Variants in SPARCL1 observed in about 807,000 individuals in gnomAD.
SPARCL1 encodes SPARC like 1, also known as SPARC-like protein 1.
In SPARCL1, 52 loss-of-function variants were observed where a neutral mutation model predicts 67.1. The ratio of observed to expected loss-of-function variants is 0.78; its 90% CI spans 0.62 to 0.98. The LOEUF (loss-of-function observed/expected upper bound fraction) is 0.98, where lower values mean the gene tolerates loss of function less well. Among genes scored for constraint, SPARCL1 ranks in the 50% least tolerant of loss-of-function variants. The pLI is 0.00. For synonymous variants in SPARCL1, 226 were observed against 267.8 expected (o/e 0.84, Z 1.52); for missense variants, 717 against 782.4 (o/e 0.92, Z 1.00).
intron 1 of SPARCL1, among the ~76,000 whole-genome samples, chr4:87,512,302 A>G (rs1725397576): frequency 6.6e-6 from 1 of 152,100 alleles, no homozygotes; most frequent in Non-Finnish European, 1.5e-5. Context: ...GGGAAAAGAC[A>G]GGTAAATAAG....
chr4:87,489,908 C>T (rs1724242723), intron 7 of SPARCL1, among the ~76,000 whole-genome samples: 1 of 152,134 alleles, frequency 6.6e-6, no homozygotes, highest in African/African-American at 2.4e-5. Context: ...GACTTCTTGG[C>T]AAAGGCTTAA....
intron 1 of SPARCL1, among the ~76,000 whole-genome samples, chr4:87,521,682 C>A (rs1300115997): frequency 6.6e-6 from 1 of 152,168 alleles, no homozygotes; most frequent in Non-Finnish European, 1.5e-5. Flanking sequence ...ATCTGTTTAT[C>A]ACTTTGTCTA....
Position 87,473,641 on chromosome 4 carries a change from A to G in SPARCL1, c.*134T>C, listed in dbSNP as rs1723438208. 1.7e-5 allele frequency: 10 copies of G among 603,416 alleles called. No homozygotes were observed. The South Asian group carries it at 2.1e-4, about 13-fold the overall frequency. The allele number at this position is 603,416 out of a possible 1,614,324, so 37.4% of individuals were successfully genotyped here. ...CTGGTGCATAGGTTGTTGTCAAGCA[A>G]TTACTCTCATTGTCTTGTCATACAT... On this transcript the variant is annotated 3_prime_UTR_variant, in exon 11 of 11. Transcript: ENST00000282470.
chr4:87,512,075 G>C (rs137972873), intron 1 of SPARCL1, among the ~76,000 whole-genome samples: 4 of 146,712 alleles, frequency 2.7e-5, no homozygotes, highest in African/African-American at 5.0e-5. Flanking sequence ...AGCAATTCTC[G>C]TGCCTCAGCC....
chr4:87,490,436 C>T (rs369703605), intron 6 of SPARCL1, 43 bp from the exon 7 acceptor site: 10 of 1,579,806 alleles, frequency 6.3e-6, no homozygotes, highest in Non-Finnish European at 8.6e-6. Context: ...GAGCCAAATG[C>T]TCACTGGAAG....
chr4:87,525,261 C>T (rs62315966), intron 1 of SPARCL1, among the ~76,000 whole-genome samples: 35,901 of 152,016 alleles, frequency 0.24, 4,419 homozygotes, highest in South Asian at 0.36. Flanking sequence ...CAACCTTTAC[C>T]ATGGGTTAGA....
intron 1 of SPARCL1, among the ~76,000 whole-genome samples, chr4:87,524,462 A>C (rs1223404789): frequency 6.6e-6 from 1 of 152,236 alleles, no homozygotes; most frequent in African/African-American, 2.4e-5. Flanking sequence ...TGTTTTATCT[A>C]AGTTCCTTCC....
chr4:87,519,111 G>T (rs1488717536), intron 1 of SPARCL1, among the ~76,000 whole-genome samples: 1 of 148,506 alleles, frequency 6.7e-6, no homozygotes, highest in African/African-American at 2.5e-5. Flanking sequence ...TTGCTCTGTT[G>T]CCCAGGCTGG....
intron 8 of SPARCL1, among the ~76,000 whole-genome samples, chr4:87,480,932 A>G (rs532982328): frequency 6.6e-6 from 1 of 150,856 alleles, no homozygotes; most frequent in African/African-American, 2.4e-5. Flanking sequence ...GTCCACTCTT[A>G]GTCTTCTAGG....
chr4:87,501,754 T>C (rs1406839258), intron 1 of SPARCL1, among the ~76,000 whole-genome samples: 1 of 152,176 alleles, frequency 6.6e-6, no homozygotes, highest in Non-Finnish European at 1.5e-5. Context: ...TTTGGAAATT[T>C]ATATATTTCA....
At chr4:87,522,667 A>T (rs1341241827) in intron 1 of SPARCL1, among the ~76,000 whole-genome samples, 2 of 149,508 alleles carry the variant, frequency 1.3e-5, no homozygotes, top group African/African-American at 4.9e-5. Context: ...ACACACACAC[A>T]CACACACACA....
Position 87,479,624 on chromosome 4 carries a change from T to C in SPARCL1, c.1818-46A>G, listed in dbSNP as rs772420413. The C allele has an allele frequency of 5.0e-6, 8 of 1,596,186 alleles. No homozygotes were observed. The Admixed American group carries it at 1.4e-4, about 27-fold the overall frequency. On this transcript the variant is annotated intron_variant, in intron 9 of 10. Transcript: ENST00000282470. ...TCCTATTAATTGAGTAGCTTGTGCA[T>C]GAAGATTTAACTCTCAGGCTCACCA...
Position 87,493,812 on chromosome 4 carries a change from T to C in SPARCL1, c.988A>G (p.Thr330Ala), listed in dbSNP as rs771472861. 1 of 1,614,160 alleles carries C rather than the reference T, an allele frequency of 6.2e-7. No homozygotes were observed. Among genetic ancestry groups the C allele is most frequent in the South Asian group, 1.1e-5 (1 of 91,078 alleles). ...LLMEPTDDGNTTPRNHGVDDD... is the reference protein window; with the variant it reads ...LLMEPTDDGNATPRNHGVDDD... ...TCAACTCCATGATTTCTGGGCGTGG[T>C]ATTACCATCATCAGTAGGTTCCATG... Residue 330 changes from threonine (T) to alanine (A), a missense_variant, in exon 4 of 11, where the codon ACC (threonine) becomes GCC (alanine). Physicochemically the swap from Thr to Ala is moderately conservative, Grantham distance 58. Coordinates refer to ENST00000282470, the MANE Select transcript of SPARCL1 (RefSeq NM_004684.6).
intron 1 of SPARCL1, among the ~76,000 whole-genome samples, chr4:87,516,423 T>C (rs1421343162): frequency 6.6e-6 from 1 of 152,234 alleles, no homozygotes; most frequent in Non-Finnish European, 1.5e-5. Flanking sequence ...TCACTTATGG[T>C]CATCAAAGTA....
In SPARCL1 at chr4:87,503,108, G is replaced by C. The variant is rs566914992; in HGVS notation, c.-11-3523C>G. ...TGACATTGTGTTTATTCTGAGTGCA[G>C]AGCCAGAGAATAAGCTTTTTCCTGT... On this transcript the variant is annotated intron_variant, in intron 1 of 10. Coordinates refer to ENST00000282470, the MANE Select transcript of SPARCL1 (RefSeq NM_004684.6). Among the ~76,000 whole-genome samples, 7 of 152,310 alleles carry C rather than the reference G, an allele frequency of 4.6e-5. No homozygotes were observed. In the South Asian group the frequency reaches 1.0e-3, roughly 23 times the overall value.
chr4:87,515,462 T>C (rs946078160), intron 1 of SPARCL1, among the ~76,000 whole-genome samples: 3 of 152,228 alleles, frequency 2.0e-5, no homozygotes, highest in Admixed American at 6.5e-5. Flanking sequence ...TAATGAATAA[T>C]TCAGACACTT....
Position 87,493,629 on chromosome 4 carries a change from G to C in SPARCL1, c.1171C>G (p.His391Asp). 1 of 1,613,646 alleles carries C rather than the reference G, an allele frequency of 6.2e-7. No individual in the cohort carries two copies. Among genetic ancestry groups the C allele is most frequent in the Non-Finnish European group, 8.5e-7 (1 of 1,179,764 alleles). Residue 391 changes from histidine (H) to aspartate (D), a missense_variant, in exon 4 of 11, where the codon CAT (histidine) becomes GAT (aspartate). Physicochemically the swap from His to Asp is moderately conservative, Grantham distance 81. Coordinates refer to ENST00000282470, the MANE Select transcript of SPARCL1 (RefSeq NM_004684.6). ...LKIEEQREKV[H>D]ENENIGTTEP... The stretch of plus-strand genomic sequence containing the variant: ...GTGGTACCTATATTTTCATTTTCAT[G>C]TACTTTTTCTCTTTGCTCCTCAATT...
chr4:87,493,518 A>C, intron 4 of SPARCL1, 64 bp downstream of exon 4: 1 of 1,421,880 alleles, frequency 7.0e-7, no homozygotes. Context: ...GCACAGAGAA[A>C]GGTCATGACT....
Position 87,494,190 on chromosome 4 carries a change from C to T in SPARCL1, c.610G>A (p.Glu204Lys), listed in dbSNP as rs765099171. Reference sequence around the variant, plus strand: ...CCAACTTCACCTGGCTCTTTTTCTTCTTCCTCTTCTCCATTGGAAATATTT... The same window carrying T: ...CCAACTTCACCTGGCTCTTTTTCTTTTTCCTCTTCTCCATTGGAAATATTT... ...DPNISNGEEE[E>K]EKEPGEVGTH... The change falls in exon 4 of 11, where the codon GAA becomes AAA. Residue 204 changes from glutamate to lysine, a missense_variant. Physicochemically the swap from Glu to Lys is moderately conservative, Grantham distance 56 (BLOSUM62 1). Coordinates refer to ENST00000282470, the MANE Select transcript of SPARCL1 (RefSeq NM_004684.6). 13 of 1,613,992 alleles carry T rather than the reference C, an allele frequency of 8.1e-6. No individual in the cohort carries two copies. Among genetic ancestry groups the T allele is most frequent in the Non-Finnish European group, 1.0e-5 (12 of 1,180,020 alleles).
Sources: gnomAD v4.1 joint callset for allele counts (sites outside exome capture counted in the v4.1 genomes callset) on GRCh38, gnomAD v4.1.1 for gene constraint, MANE v1.5 for transcripts, NCBI Gene and HGNC (gene_info 2026-07-23, HGNC 2026-07-21) for gene names.